The following UNC13C variants were observed in gnomAD, a reference collection of about 807,000 sequenced individuals.
The protein encoded by UNC13C is unc-13 homolog C.
A neutral mutation model predicts 245.4 loss-of-function variants in UNC13C; 174 were observed. That is an observed-to-expected ratio of 0.71 (90% CI 0.63 to 0.80). The LOEUF (loss-of-function observed/expected upper bound fraction) is 0.80, where lower values mean the gene tolerates loss of function less well. UNC13C is among the 30% of genes least tolerant of loss of function. The pLI, the probability that UNC13C is intolerant of heterozygous loss-of-function variation, is 0.00. For missense variants in UNC13C, 2,829 were observed against 2,602.9 expected, an observed-to-expected ratio of 1.09 and a Z score of -1.89; for synonymous variants, 992 against 895.1, an observed-to-expected ratio of 1.11 and a Z score of -1.93.
chr15:54,622,848 G>A (rs1436480339), intron 31 of UNC13C, among the ~76,000 whole-genome samples: 1 of 152,058 alleles, frequency 6.6e-6, no homozygotes, highest in Non-Finnish European at 1.5e-5. Flanking sequence ...CAGCCTGAAT[G>A]CAGGGGTAAT....
At chr15:53,914,772 G>C in the UNC13C span, 3 of 152,120 alleles carry the variant, frequency 2.0e-5, no homozygotes, top group African/African-American at 7.2e-5. Context: ...ACCTCATCAT[G>C]ACCTTTGGCA....
chr15:53,957,353 G>A, the UNC13C span, among the ~76,000 whole-genome samples: 2 of 152,042 alleles, frequency 1.3e-5, no homozygotes, highest in Non-Finnish European at 2.9e-5. Flanking sequence ...GGTTGGTCTC[G>A]AACTCCTGGC....
intron 7 of UNC13C, among the ~76,000 whole-genome samples, chr15:54,248,075 T>C (rs1361871565): frequency 6.6e-6 from 1 of 152,174 alleles, no homozygotes; most frequent in African/African-American, 2.4e-5. Flanking sequence ...AAGTTCATGT[T>C]CAAAAACAAC....
intron 17 of UNC13C, among the ~76,000 whole-genome samples, chr15:54,339,332 T>C (rs2038670747): frequency 6.6e-6 from 1 of 152,144 alleles, no homozygotes; most frequent in African/African-American, 2.4e-5. Flanking sequence ...GTAAGTTCTT[T>C]AGTAGTGATT....
chr15:54,419,466 T>C (rs1351401569), intron 19 of UNC13C, among the ~76,000 whole-genome samples: 1 of 152,150 alleles, frequency 6.6e-6, no homozygotes, highest in Non-Finnish European at 1.5e-5. Flanking sequence ...TCTATTATAC[T>C]ATGGTGAACT....
intron 2 of UNC13C, among the ~76,000 whole-genome samples, chr15:54,134,489 G>A (rs1470311621): frequency 6.6e-6 from 1 of 151,836 alleles, no homozygotes; most frequent in African/African-American, 2.4e-5. Context: ...TTCATCTGCT[G>A]ACAAATAGGT....
At chr15:53,844,421 G>A in the UNC13C span, among the ~76,000 whole-genome samples, 1 of 152,114 alleles carries the variant, frequency 6.6e-6, no homozygotes, top group Non-Finnish European at 1.5e-5. Flanking sequence ...ACAAAATGTG[G>A]GATTGTTTGT....
chr15:54,599,876 G>T (rs559666230), intron 30 of UNC13C, among the ~76,000 whole-genome samples: 1 of 152,008 alleles, frequency 6.6e-6, no homozygotes, highest in East Asian at 1.9e-4. Context: ...TCTTTCTCTC[G>T]CACCTCTTCC....
At chr15:53,937,962 G>A in the UNC13C span, among the ~76,000 whole-genome samples, 1 of 152,190 alleles carries the variant, frequency 6.6e-6, no homozygotes, top group Non-Finnish European at 1.5e-5. Flanking sequence ...ATACTGTGAA[G>A]CAACCACATA....
At chr15:53,903,242 G>C in the UNC13C span, among the ~76,000 whole-genome samples, 1 of 152,186 alleles carries the variant, frequency 6.6e-6, no homozygotes, top group African/African-American at 2.4e-5. Context: ...AGATTGGCTT[G>C]ATCCCAGAAG....
the UNC13C span, among the ~76,000 whole-genome samples, chr15:53,885,867 C>G: frequency 1.3e-5 from 2 of 152,076 alleles, no homozygotes; most frequent in African/African-American, 4.8e-5. Flanking sequence ...AGGAGTTGGT[C>G]ATTAAGTCCT....
At chr15:54,130,818 T>G (rs941192916) in intron 2 of UNC13C, among the ~76,000 whole-genome samples, 1 of 152,210 alleles carries the variant, frequency 6.6e-6, no homozygotes, top group East Asian at 1.9e-4. Flanking sequence ...TTTTTAATAA[T>G]ATTCTTTCTG....
intron 8 of UNC13C, among the ~76,000 whole-genome samples, chr15:54,259,581 A>G (rs959505445): frequency 6.6e-5 from 10 of 152,230 alleles, no homozygotes; most frequent in African/African-American, 2.4e-4. Flanking sequence ...GGTACCTCCC[A>G]CAATACGTGG....
At chr15:54,241,968 A>G (rs2035865066) in intron 7 of UNC13C, among the ~76,000 whole-genome samples, 1 of 152,202 alleles carries the variant, frequency 6.6e-6, no homozygotes, top group East Asian at 1.9e-4. Flanking sequence ...TTGACTTGAG[A>G]TCCATGTTGG....
chr15:54,603,739 C>G (rs1378183507), intron 30 of UNC13C, among the ~76,000 whole-genome samples: 6 of 152,024 alleles, frequency 3.9e-5, no homozygotes, highest in Admixed American at 3.9e-4. Flanking sequence ...TGGCAGGTAC[C>G]TGGAATGCCA....
At chr15:54,439,457 T>C (rs1890394041) in intron 19 of UNC13C, among the ~76,000 whole-genome samples, 1 of 152,008 alleles carries the variant, frequency 6.6e-6, no homozygotes, top group Admixed American at 6.6e-5. Flanking sequence ...TGAAGTTATT[T>C]GACTTGTATA....
rs35360231 is a variant in UNC13C, at chr15:54,622,838, C to G, written c.6199+419C>G. On this transcript the variant is annotated intron_variant, in intron 31 of 32. Coordinates refer to ENST00000260323, the MANE Select transcript of UNC13C (RefSeq NM_001080534.3). ...ATTTGTTGGTTTTACATTGTAAAAA[C>G]AGCCTGAATGCAGGGGTAATTTCAA... Among the ~76,000 whole-genome samples, 887 of 152,144 alleles carry G rather than the reference C, an allele frequency of 5.8e-3. 3 individuals are homozygous for G. The highest frequency in any genetic ancestry group is 9.9e-3 in the Admixed American group (151 of 15,258).
intron 17 of UNC13C, 147 bp downstream of exon 17, chr15:54,338,636 A>G (rs1210874752): frequency 2.3e-6 from 2 of 874,482 alleles, no homozygotes; most frequent in East Asian, 5.3e-5. Flanking sequence ...TTTTCTTCAT[A>G]TTTGAATATC....
At chr15:54,306,440 T>G (rs2037725720) in intron 13 of UNC13C, among the ~76,000 whole-genome samples, 1 of 152,054 alleles carries the variant, frequency 6.6e-6, no homozygotes, top group Non-Finnish European at 1.5e-5. Context: ...ATTCCACATA[T>G]TTTGCATCAT....
Sources: allele counts gnomAD v4.1 joint callset (sites outside exome capture counted in the v4.1 genomes callset), GRCh38; gene constraint gnomAD v4.1.1; transcripts MANE v1.5; gene names NCBI Gene and HGNC (gene_info 2026-07-23, HGNC 2026-07-21).